PDZD2: variants seen among roughly 807,000 people sequenced by gnomAD.
The protein encoded by PDZD2 is PDZ domain-containing protein 2.
PDZD2 carries 90 observed loss-of-function variants against 220.7 expected under a neutral mutation model. The observed-to-expected ratio is 0.41, with a 90% CI of 0.34 to 0.49. The LOEUF is 0.49. Among genes scored for constraint, PDZD2 ranks in the 20% least tolerant of loss-of-function variants. The pLI is 0.28. For missense variants in PDZD2, 3,174 were observed against 3,608.5 expected (o/e 0.88, Z 3.08); for synonymous variants, 1,375 against 1,450.5 (o/e 0.95, Z 1.18).
chr5:31,687,391 A>G (rs1746915934), intron 1 of PDZD2, among the ~76,000 whole-genome samples: 1 of 152,194 alleles, frequency 6.6e-6, no homozygotes, highest in South Asian at 2.1e-4. Context: ...CCTTTCCTCC[A>G]GTTTCCAGTA....
intron 7 of PDZD2, among the ~76,000 whole-genome samples, chr5:32,045,776 A>G (rs1737889278): frequency 6.6e-6 from 1 of 151,976 alleles, no homozygotes; most frequent in African/African-American, 2.4e-5. Flanking sequence ...TCAATTTCAT[A>G]TGTTTAAAAA....
chr5:32,082,474 G>A (rs1742070940), intron 19 of PDZD2, among the ~76,000 whole-genome samples: 1 of 152,000 alleles, frequency 6.6e-6, no homozygotes, highest in Non-Finnish European at 1.5e-5. Flanking sequence ...GCTCAGATCT[G>A]AGCCCCAACA....
intron 7 of PDZD2, among the ~76,000 whole-genome samples, chr5:32,041,330 C>T (rs1172409195): frequency 3.9e-5 from 6 of 151,922 alleles, no homozygotes; most frequent in Admixed American, 6.5e-5. Context: ...GGGAGGTGTA[C>T]CCAACAGCTC....
At chr5:31,912,823 T>C (rs1479681084) in intron 2 of PDZD2, among the ~76,000 whole-genome samples, 18 of 152,216 alleles carry the variant, frequency 1.2e-4, no homozygotes, top group African/African-American at 4.1e-4. Context: ...TTGGAGTTCA[T>C]AGGGTGAGGA....
chr5:31,855,293 C>T (rs1194444641), intron 2 of PDZD2: 1 of 183,162 alleles, frequency 5.5e-6, no homozygotes, highest in East Asian at 1.9e-4. Flanking sequence ...GGAGCGGCCA[C>T]CTAAGCGTCT....
At chr5:31,685,092 T>G (rs1471485205) in intron 1 of PDZD2, among the ~76,000 whole-genome samples, 5 of 152,204 alleles carry the variant, frequency 3.3e-5, no homozygotes, top group African/African-American at 4.8e-5. Context: ...TCTCCATTAC[T>G]AAATTCCTTT....
intron 2 of PDZD2, among the ~76,000 whole-genome samples, chr5:31,971,784 C>A (rs912655501): frequency 1.1e-4 from 17 of 151,962 alleles, no homozygotes; most frequent in African/African-American, 4.1e-4. Flanking sequence ...TCCCCATTTG[C>A]ACAAAGGTCT....
intron 2 of PDZD2, among the ~76,000 whole-genome samples, chr5:31,828,630 G>C (rs1756372605): frequency 6.6e-6 from 1 of 152,046 alleles, no homozygotes; most frequent in Admixed American, 6.6e-5. Context: ...TGAATAGCCA[G>C]GACTACAGGC....
In PDZD2 at chr5:32,096,596, G is replaced by A. The variant is rs189412465; in HGVS notation, c.7846-683G>A. 1.8e-3 allele frequency among the ~76,000 whole-genome samples: 273 copies of A among 152,316 alleles called. 1 individual carries two copies. Among genetic ancestry groups the A allele is most frequent in the African/African-American group, 6.3e-3 (261 of 41,570 alleles). ...GGCCTCCCAAAGCACTGGGATTACA[G>A]GCGTGAGCCACTGCGCCTAGCCATG... On this transcript the variant is annotated intron_variant, in intron 21 of 24. Transcript: ENST00000438447.
intron 2 of PDZD2, among the ~76,000 whole-genome samples, chr5:31,919,378 G>A (rs1029273645): frequency 6.6e-6 from 1 of 151,054 alleles, no homozygotes. Context: ...TTTTTGAGAC[G>A]GAGTCTCGCC....
chr5:31,877,536 C>T (rs1739417139), intron 2 of PDZD2, among the ~76,000 whole-genome samples: 1 of 151,964 alleles, frequency 6.6e-6, no homozygotes, highest in African/African-American at 2.4e-5. Context: ...TCAGTCTTTT[C>T]TCTTTCATAA....
In PDZD2 at chr5:31,853,169, A is replaced by G. The variant is rs148193344; in HGVS notation, c.476+53445A>G. Among the ~76,000 whole-genome samples, 675 of 152,336 alleles carry G rather than the reference A, an allele frequency of 4.4e-3. 4 individuals are homozygous for G. Among genetic ancestry groups the G allele is most frequent in the Non-Finnish European group, 8.1e-3 (550 of 68,038 alleles). On this transcript the variant is annotated intron_variant, in intron 2 of 24. Transcript: ENST00000438447. ...GGAGCCAGCATTCACTGAGACCCTT[A>G]TAATATGTGTAAGCCAGACACTTTG...
intron 1 of PDZD2, among the ~76,000 whole-genome samples, chr5:31,762,934 C>T (rs1010078077): frequency 1.3e-5 from 2 of 152,076 alleles, no homozygotes; most frequent in Non-Finnish European, 2.9e-5. Context: ...TCTTCTGCCC[C>T]CGACCCCTCC....
intron 2 of PDZD2, among the ~76,000 whole-genome samples, chr5:31,876,377 C>G (rs1441610504): frequency 2.0e-5 from 3 of 151,322 alleles, no homozygotes; most frequent in African/African-American, 7.3e-5. Flanking sequence ...ATTGCAACCT[C>G]TGCCTCTTGG....
intron 2 of PDZD2, among the ~76,000 whole-genome samples, chr5:31,882,568 C>A (rs144866852): frequency 6.6e-6 from 1 of 152,124 alleles, no homozygotes; most frequent in African/African-American, 2.4e-5. Context: ...AGACCATTCA[C>A]GAATGGACCA....
intron 2 of PDZD2, among the ~76,000 whole-genome samples, chr5:31,815,200 G>A (rs571257262): frequency 5.6e-5 from 8 of 141,984 alleles, no homozygotes; most frequent in African/African-American, 1.9e-4. Context: ...AGCTAAGATC[G>A]CGCCACTGCA....
chr5:32,067,983 C>T (rs1277187416), intron 14 of PDZD2, among the ~76,000 whole-genome samples: 3 of 152,168 alleles, frequency 2.0e-5, no homozygotes, highest in African/African-American at 7.2e-5. Flanking sequence ...ACTGTTTCTT[C>T]ACAGATTACT....
chr5:31,882,031 A>G (rs1422103117), intron 2 of PDZD2, among the ~76,000 whole-genome samples: 2 of 152,064 alleles, frequency 1.3e-5, no homozygotes, highest in African/African-American at 4.8e-5. Flanking sequence ...ATTTCCTTAT[A>G]TTTAATAGTG....
At chr5:31,904,066 T>C (rs971358509) in intron 2 of PDZD2, among the ~76,000 whole-genome samples, 2 of 151,206 alleles carry the variant, frequency 1.3e-5, no homozygotes, top group Admixed American at 6.6e-5. Context: ...TTTAAAGCAG[T>C]GTATTTCTTT....
Sources: allele counts gnomAD v4.1 joint callset (sites outside exome capture counted in the v4.1 genomes callset), GRCh38; gene constraint gnomAD v4.1.1; transcripts MANE v1.5; gene names NCBI Gene and HGNC (gene_info 2026-07-23, HGNC 2026-07-21).